Variants in SLC7A11 observed in about 807,000 individuals in gnomAD.
SLC7A11 encodes solute carrier family 7 member 11, also known as cystine/glutamate transporter.
In SLC7A11, 35 loss-of-function variants were observed where a neutral mutation model predicts 54.5. The observed-to-expected ratio is 0.64, with a 90% CI of 0.49 to 0.85. The LOEUF is 0.85. Ranked by LOEUF, SLC7A11 falls within the 40% of genes least tolerant of loss-of-function variation. The pLI, the probability that SLC7A11 is intolerant of heterozygous loss-of-function variation, is 0.00. For synonymous variants in SLC7A11, 230 were observed against 225.2 expected, an observed-to-expected ratio of 1.02 and a Z score of -0.19; for missense variants, 583 against 618.1, an observed-to-expected ratio of 0.94 and a Z score of 0.60.
At chr4:138,237,705 AT>A (rs1465569139) in intron 1 of SLC7A11, among the ~76,000 whole-genome samples, 3 of 3,596 alleles carry the variant, frequency 8.3e-4, no homozygotes, top group African/African-American at 2.9e-3. Context: ...GCCAGAATAT[AT>A]ATATATATAT....
At chr4:138,186,006 G>A (rs920560153) in intron 6 of SLC7A11, among the ~76,000 whole-genome samples, 1 of 152,110 alleles carries the variant, frequency 6.6e-6, no homozygotes, top group Non-Finnish European at 1.5e-5. Context: ...GAGGTGACAT[G>A]CTGTGAAGTA....
In SLC7A11 at chr4:138,242,063, T is replaced by C. The variant is rs377269313; in HGVS notation, c.7A>G (p.Arg3Gly). The C allele has an allele frequency of 8.7e-6, 14 of 1,613,928 alleles. No individual in the cohort carries two copies. Among genetic ancestry groups the C allele is most frequent in the African/African-American group, 5.3e-5 (4 of 74,934 alleles). MV[R>G]KPVVSTISKG... Reference sequence around the variant, plus strand: ...GAGATGGTGGACACAACAGGCTTTCTGACCATAGTAGGGACACACGGGGGA... The same window carrying C: ...GAGATGGTGGACACAACAGGCTTTCCGACCATAGTAGGGACACACGGGGGA... Residue 3 changes from arginine (R) to glycine (G), a missense_variant, in exon 1 of 12, where the codon AGA becomes GGA. Arg to Gly is a moderately radical substitution (Grantham distance 125). Coordinates refer to ENST00000280612, the MANE Select transcript of SLC7A11 (RefSeq NM_014331.4).
In SLC7A11 at chr4:138,242,108, G is replaced by A. The variant is rs748504430; in HGVS notation, c.-39C>T. ...GGGGGAAAAATAAAACAGAGGGAAA[G>A]AAAACAAAACTTTCAACTTTGGTGT... On this transcript the variant is annotated 5_prime_UTR_variant, in exon 1 of 12. Transcript: ENST00000280612. 1 of 1,596,768 alleles carries A rather than the reference G, an allele frequency of 6.3e-7. No homozygotes were observed. The highest frequency in any genetic ancestry group is 8.5e-7 in the Non-Finnish European group (1 of 1,170,738).
chr4:138,237,209 A>C (rs11100861), intron 1 of SLC7A11, among the ~76,000 whole-genome samples: 1 of 151,576 alleles, frequency 6.6e-6, no homozygotes, highest in Non-Finnish European at 1.5e-5. Context: ...GGATGGTCTC[A>C]ATCTCCTGAC....
Position 138,236,328 on chromosome 4 carries a change from A to G in SLC7A11, c.401T>C (p.Ile134Thr). The change falls in exon 2 of 12, where the codon ATA becomes ACA. Residue 134 changes from isoleucine to threonine, a missense_variant. Coordinates refer to ENST00000280612, the MANE Select transcript of SLC7A11 (RefSeq NM_014331.4). The part of the protein sequence containing the change: ...FVRVWVELLI[I>T]RPAATAVISL... The stretch of plus-strand genomic sequence containing the variant: ...ATTCTTTCTACTATGCTCTTACCGT[A>G]TTATGAGGAGTTCCACCCAGACTCG... 1.2e-6 allele frequency: 2 copies of G among 1,609,302 alleles called. No homozygotes were observed. Among genetic ancestry groups the G allele is most frequent in the Non-Finnish European group, 1.7e-6 (2 of 1,178,456 alleles).
chr4:138,175,386 C>T (rs370735494), intron 11 of SLC7A11, among the ~76,000 whole-genome samples: 2 of 152,224 alleles, frequency 1.3e-5, no homozygotes, highest in African/African-American at 4.8e-5. Context: ...CACTCAACCC[C>T]GTGACAAGGT....
intron 11 of SLC7A11, chr4:138,174,733 ACT>A (rs1246917694): frequency 6.6e-6 from 1 of 152,032 alleles, no homozygotes; most frequent in African/African-American, 2.4e-5. Flanking sequence ...AACCCGCGGT[ACT>A]CTTTCTTTAA....
intron 6 of SLC7A11, among the ~76,000 whole-genome samples, chr4:138,187,450 A>G (rs551493082): frequency 3.3e-4 from 51 of 152,244 alleles, no homozygotes; most frequent in Non-Finnish European, 5.7e-4. Context: ...AGTCTTCGAG[A>G]GCTTAAATAA....
intron 10 of SLC7A11, 150 bp downstream of exon 10, chr4:138,180,491 C>T (rs1362931859): frequency 3.0e-6 from 2 of 673,772 alleles, no homozygotes; most frequent in African/African-American, 1.9e-5. Context: ...AAAATAAATC[C>T]AACAGGAAAG....
chr4:138,204,455 G>C (rs1434843650), intron 6 of SLC7A11, among the ~76,000 whole-genome samples: 1 of 151,958 alleles, frequency 6.6e-6, no homozygotes, highest in African/African-American at 2.4e-5. Context: ...AAAATTATCT[G>C]GGAGTGGACT....
chr4:138,206,737 G>A (rs1205288138), intron 6 of SLC7A11, among the ~76,000 whole-genome samples: 1 of 151,718 alleles, frequency 6.6e-6, no homozygotes, highest in Non-Finnish European at 1.5e-5. Context: ...ATGTGATGCC[G>A]AGAAATGCAA....
intron 3 of SLC7A11, among the ~76,000 whole-genome samples, chr4:138,225,462 A>C (rs1000538236): frequency 2.0e-5 from 3 of 151,950 alleles, no homozygotes; most frequent in Non-Finnish European, 4.4e-5. Flanking sequence ...CTGTGTTGGA[A>C]GCTGAAAACA....
In SLC7A11 at chr4:138,179,248, G is replaced by A; in HGVS notation, c.1413C>T (p.Asp471=). The A allele has an allele frequency of 1.2e-6, 2 of 1,611,470 alleles. No individual in the cohort carries two copies. The highest frequency in any genetic ancestry group is 3.3e-4 in the Middle Eastern group (2 of 6,004). The change falls in exon 11 of 12, where the codon GAC becomes GAT. Residue 471 remains aspartate (D), a synonymous_variant. Transcript: ENST00000280612. ...TTATTCTAAACCACCTGGGTTTCTT[G>A]TCCCATATAATAAAGAGATAATACG... ...VPAYYLFIIW[D]KKPRWFRIMS...
At chr4:138,213,590 T>A (rs1238920789) in intron 6 of SLC7A11, among the ~76,000 whole-genome samples, 1 of 151,246 alleles carries the variant, frequency 6.6e-6, no homozygotes, top group Non-Finnish European at 1.5e-5. Context: ...CTCTCATTTA[T>A]ATTTACCTAA....
chr4:138,212,525 A>G (rs1022925326), intron 6 of SLC7A11, among the ~76,000 whole-genome samples: 7 of 151,788 alleles, frequency 4.6e-5, no homozygotes, highest in Admixed American at 4.6e-4. Flanking sequence ...AAAACACTGA[A>G]TCAATACATC....
chr4:138,240,910 T>C (rs1430965147), intron 1 of SLC7A11, among the ~76,000 whole-genome samples: 1 of 152,200 alleles, frequency 6.6e-6, no homozygotes, highest in Non-Finnish European at 1.5e-5. Flanking sequence ...AAGGGGGCAT[T>C]TATTTACCTC....
intron 6 of SLC7A11, among the ~76,000 whole-genome samples, chr4:138,186,848 T>C (rs1358165290): frequency 2.0e-5 from 3 of 152,180 alleles, no homozygotes; most frequent in Non-Finnish European, 4.4e-5. Context: ...CAGTGTATTA[T>C]TTTGACCTTG....
At chr4:138,194,583 C>T (rs1426720905) in intron 6 of SLC7A11, among the ~76,000 whole-genome samples, 6 of 152,116 alleles carry the variant, frequency 3.9e-5, no homozygotes, top group Non-Finnish European at 1.5e-5. Context: ...TTTCCCTCAG[C>T]TTTATACTCT....
chr4:138,188,045 A>G (rs1432142064), intron 6 of SLC7A11, among the ~76,000 whole-genome samples: 3 of 152,060 alleles, frequency 2.0e-5, no homozygotes, highest in South Asian at 2.1e-4. Context: ...TAATTTCTCT[A>G]TAATTATTCT....
Sources: allele counts gnomAD v4.1 joint callset (sites outside exome capture counted in the v4.1 genomes callset), GRCh38; gene constraint gnomAD v4.1.1; transcripts MANE v1.5; gene names NCBI Gene and HGNC (gene_info 2026-07-23, HGNC 2026-07-21).